Variants in LAMB3 observed in about 807,000 individuals in gnomAD.
LAMB3 encodes the protein laminin subunit beta-3.
A neutral mutation model predicts 140.3 loss-of-function variants in LAMB3; 104 were observed. The observed-to-expected ratio is 0.74, with a 90% CI of 0.63 to 0.87. The LOEUF (loss-of-function observed/expected upper bound fraction) is 0.87. Among genes scored for constraint, LAMB3 ranks in the 40% least tolerant of loss-of-function variants. The pLI, the probability that LAMB3 is intolerant of heterozygous loss-of-function variation, is 0.00. For synonymous variants in LAMB3, 592 were observed against 602.9 expected, an observed-to-expected ratio of 0.98 and a Z score of 0.26; for missense variants, 1,531 against 1,575.2, an observed-to-expected ratio of 0.97 and a Z score of 0.47.
rs758331576 is a variant in LAMB3, at chr1:209,626,957, G to A, written c.1507C>T (p.Arg503Trp). The change falls in exon 13 of 23, where the codon CGG (arginine) becomes TGG (tryptophan). Residue 503 changes from arginine to tryptophan, a missense_variant. By Grantham distance (101) the Arg-to-Trp change is moderately radical. Coordinates refer to ENST00000356082, the MANE Select transcript of LAMB3 (RefSeq NM_000228.3). The part of the protein sequence containing the change: ...CNQFTGQCPC[R>W]EGFGGLMCSA... ...CACATCAGGCCACCAAAGCCTTCCC[G>A]ACAGGGGCACTGCCCTGTGAACTGC... The A allele has an allele frequency of 4.8e-5, 77 of 1,613,200 alleles. No homozygotes were observed. The highest frequency in any genetic ancestry group is 3.8e-4 in the Admixed American group (23 of 59,958).
In LAMB3 at chr1:209,623,953, G is replaced by T; in HGVS notation, c.2024C>A (p.Thr675Lys). Residue 675 changes from threonine (T) to lysine (K), a missense_variant, in exon 15 of 23, where the codon ACG (threonine) becomes AAG (lysine). Transcript: ENST00000356082. The surrounding 1 kb of genome is among the most constrained non-coding windows in gnomAD (Gnocchi z 4.2). ...LQLDLPLEEE[T>K]LSLPRDLESL... ...CTCCAGGTCTCTCGGAAGGGACAAC[G>T]TCTCCTCCTCCAGGGGCAGATCCAG... The T allele has an allele frequency of 1.9e-6, 3 of 1,614,084 alleles. No individual in the cohort carries two copies. Among genetic ancestry groups the T allele is most frequent in the Middle Eastern group, 1.7e-4 (1 of 6,058 alleles).
In LAMB3 at chr1:209,625,936, C is replaced by G. The variant is rs753850608; in HGVS notation, c.1688G>C (p.Arg563Pro). The G allele has an allele frequency of 1.2e-6, 2 of 1,613,736 alleles. No individual in the cohort carries two copies. Reference sequence around the variant, plus strand: ...GTAGCCTCGCTGGCACTGGTCACAGCGGGGCCCGGTCAAGCCAGGGCGGCA... The same window carrying G: ...GTAGCCTCGCTGGCACTGGTCACAGGGGGGCCCGGTCAAGCCAGGGCGGCA... ...CLCRPGLTGPRCDQCQRGYCN... is the reference protein window; with the variant it reads ...CLCRPGLTGPPCDQCQRGYCN... The change falls in exon 14 of 23, where the codon CGC (arginine) becomes CCC (proline). Residue 563 changes from arginine (R) to proline (P), a missense_variant. Arg to Pro is a moderately radical substitution (Grantham distance 103, BLOSUM62 -2). Transcript: ENST00000356082.
intron 10 of LAMB3, 88 bp downstream of exon 10, chr1:209,629,649 G>A (rs1666600582): frequency 5.4e-6 from 7 of 1,304,244 alleles, no homozygotes; most frequent in Non-Finnish European, 7.8e-6. Flanking sequence ...GGGCCTTGGT[G>A]TGCCCAGGAA....
intron 8 of LAMB3, among the ~76,000 whole-genome samples, chr1:209,631,233 G>A (rs1243191937): frequency 1.3e-5 from 2 of 152,192 alleles, no homozygotes; most frequent in South Asian, 2.1e-4. Flanking sequence ...TCCAAATTAA[G>A]CCCAACACCT....
intron 18 of LAMB3, 24 bp downstream of exon 18, chr1:209,622,512 A>C: frequency 1.2e-6 from 2 of 1,613,222 alleles, no homozygotes; most frequent in Non-Finnish European, 1.7e-6. Flanking sequence ...ACAGCAGCCA[A>C]GGTGGGGTGG....
intron 5 of LAMB3, among the ~76,000 whole-genome samples, chr1:209,635,302 G>A (rs1271217579): frequency 1.3e-5 from 2 of 151,958 alleles, no homozygotes; most frequent in Non-Finnish European, 2.9e-5. Context: ...CCAGCTTCAG[G>A]GTCCCCTCCT....
At chr1:209,620,343 T>G (rs866800360) in intron 18 of LAMB3, among the ~76,000 whole-genome samples, 16 of 152,074 alleles carry the variant, frequency 1.1e-4, no homozygotes, top group African/African-American at 3.6e-4. Flanking sequence ...ATGATGGCCA[T>G]GGAAGGGGCC....
rs769503031 is a variant in LAMB3 at position 209,632,571 on chromosome 1, C to T, written c.822+12G>A. 1.2e-6 allele frequency: 2 copies of T among 1,612,660 alleles called. No individual in the cohort carries two copies. Among genetic ancestry groups the T allele is most frequent in the South Asian group, 1.1e-5 (1 of 91,014 alleles). ...GCCCCCTTCCTCTCCCCTTCCCACC[C>T]TAGGCTGTTACCTGCACAGCGGTGG... On this transcript the variant is annotated intron_variant, in intron 8 of 22. Transcript: ENST00000356082.
At chr1:209,634,150 T>C (rs1184367559) in intron 6 of LAMB3, among the ~76,000 whole-genome samples, 1 of 152,196 alleles carries the variant, frequency 6.6e-6, no homozygotes, top group Non-Finnish European at 1.5e-5. Flanking sequence ...CGATTTCATC[T>C]TCCCACTAGA....
intron 7 of LAMB3, 40 bp downstream of exon 7, chr1:209,633,030 C>T: frequency 6.8e-7 from 1 of 1,460,638 alleles, no homozygotes; most frequent in Non-Finnish European, 9.6e-7. Flanking sequence ...TTTCCTTTCC[C>T]ACCCATAGTT....
At chr1:209,645,428 T>C (rs1443673602) in intron 3 of LAMB3, among the ~76,000 whole-genome samples, 1 of 152,120 alleles carries the variant, frequency 6.6e-6, no homozygotes, top group Non-Finnish European at 1.5e-5. Context: ...AAAAAGCAGA[T>C]ATTTTGGGCC....
chr1:209,636,005 T>C (rs544965130), intron 5 of LAMB3, among the ~76,000 whole-genome samples: 1 of 152,320 alleles, frequency 6.6e-6, no homozygotes, highest in Non-Finnish European at 1.5e-5. Flanking sequence ...TCTTTTGTTC[T>C]CAGCTGAAAT....
At chr1:209,635,632 A>C (rs1666870674) in intron 5 of LAMB3, among the ~76,000 whole-genome samples, 2 of 151,812 alleles carry the variant, frequency 1.3e-5, no homozygotes, top group Admixed American at 1.3e-4. Flanking sequence ...TGAACTCCTG[A>C]CCTCAAGTGA....
intron 6 of LAMB3, among the ~76,000 whole-genome samples, chr1:209,634,203 G>A (rs192888997): frequency 2.1e-4 from 32 of 152,126 alleles, no homozygotes; most frequent in African/African-American, 7.0e-4. Flanking sequence ...TGTGGAAGAC[G>A]GCAGGGGTGA....
intron 6 of LAMB3, among the ~76,000 whole-genome samples, chr1:209,633,602 A>G (rs75175375): frequency 0.013 from 2,000 of 152,336 alleles, 49 homozygotes; most frequent in African/African-American, 0.045. Flanking sequence ...TATCCCAGGA[A>G]GAGTTTTCAC....
chr1:209,619,784 G>T (rs1308970425), intron 18 of LAMB3, among the ~76,000 whole-genome samples: 1 of 152,206 alleles, frequency 6.6e-6, no homozygotes, highest in Non-Finnish European at 1.5e-5. Flanking sequence ...ACAACTAGAG[G>T]ATACTAGCTG....
At position 209,634,069 on chromosome 1, in the gene LAMB3, G is replaced by A. The variant is rs372509358; in HGVS notation, c.564+378C>T. ...TTTTTGTGTTAAACCCTACCAAGGTGAAATGAAATTTGTGTAATTTGCTCA... is the reference window on the plus strand; with the variant it reads ...TTTTTGTGTTAAACCCTACCAAGGTAAAATGAAATTTGTGTAATTTGCTCA... On this transcript the variant is annotated intron_variant, in intron 6 of 22. Transcript: ENST00000356082. Among the ~76,000 whole-genome samples, 3 of 152,328 alleles carry A rather than the reference G, an allele frequency of 2.0e-5. No individual in the cohort carries two copies. The South Asian group carries it at 6.2e-4, about 32-fold the overall frequency.
chr1:209,625,603 C>T, intron 14 of LAMB3, 45 bp downstream of exon 14: 1 of 1,613,156 alleles, frequency 6.2e-7, no homozygotes, highest in Non-Finnish European at 8.5e-7. Context: ...ACTGGAACCC[C>T]TGGAGCATAA....
At chr1:209,624,927 GAAGGAAGGA>G (rs1175386437) in intron 14 of LAMB3, among the ~76,000 whole-genome samples, 2 of 147,714 alleles carry the variant, frequency 1.4e-5, no homozygotes, top group African/African-American at 2.5e-5. Context: ...AGGAAGGAAG[GAAGGAAGGA>G]AAAAAAGGGA....
Sources: allele counts gnomAD v4.1 joint callset (sites outside exome capture counted in the v4.1 genomes callset), GRCh38; gene constraint gnomAD v4.1.1; non-coding constraint Gnocchi (gnomAD v3.1); transcripts MANE v1.5; gene names NCBI Gene and HGNC (gene_info 2026-07-23, HGNC 2026-07-21).